Variants in ERG observed in about 807,000 individuals in gnomAD.
ERG encodes ETS transcription factor ERG.
A neutral mutation model predicts 55.3 loss-of-function variants in ERG; 9 were observed. The ratio of observed to expected loss-of-function variants is 0.16; its 90% confidence interval spans 0.10 to 0.28. The LOEUF (loss-of-function observed/expected upper bound fraction) is 0.28. Ranked by LOEUF, ERG falls within the 10% of genes least tolerant of loss-of-function variation. The pLI is 1.00. For missense variants in ERG, 434 were observed against 631.6 expected (o/e 0.69, Z 3.35); for synonymous variants, 223 against 237.3 (o/e 0.94, Z 0.55).
At chr21:38,492,923 A>G (rs1033513585) in intron 1 of ERG, among the ~76,000 whole-genome samples, 1 of 152,218 alleles carries the variant, frequency 6.6e-6, no homozygotes, top group Non-Finnish European at 1.5e-5. Context: ...AAGTACAAAT[A>G]AAAATGAGAT....
intron 2 of ERG, among the ~76,000 whole-genome samples, chr21:38,529,393 T>C (rs997452744): frequency 1.3e-5 from 2 of 152,176 alleles, no homozygotes; most frequent in African/African-American, 4.8e-5. Context: ...GGGATCTATT[T>C]TGAAGAGGGA....
chr21:38,453,882 CAAAAA>C (rs3065380), intron 1 of ERG, among the ~76,000 whole-genome samples: 3 of 129,848 alleles, frequency 2.3e-5, no homozygotes, highest in Non-Finnish European at 3.2e-5. Context: ...AAAACTCCAT[CAAAAA>C]AAAAAAAAAA....
chr21:38,655,932 T>A (rs2146992768), intron 1 of ERG, among the ~76,000 whole-genome samples: 1 of 152,284 alleles, frequency 6.6e-6, no homozygotes, highest in East Asian at 1.9e-4. Flanking sequence ...TACTGCAGAA[T>A]CTGCCTGCCT....
chr21:38,392,342 A>G, intron 7 of ERG, 34 bp downstream of exon 7: 1 of 1,534,522 alleles, frequency 6.5e-7, no homozygotes, highest in Non-Finnish European at 8.9e-7. Context: ...TGCCTGTGAC[A>G]TGAAACTCAG....
In ERG at chr21:38,383,287, G is replaced by GC; in HGVS notation, c.*115dup. 7.5e-7 allele frequency: 1 copy of GC among 1,333,852 alleles called. No homozygotes were observed. Among genetic ancestry groups the GC allele is most frequent in the African/African-American group, 1.5e-5 (1 of 68,316 alleles). The allele number at this position is 1,333,852 out of a possible 1,614,324, so 82.6% of individuals were successfully genotyped here. A position where few individuals can be genotyped will look rare whatever the true frequency, so the allele number is the denominator to read the frequency against. On this transcript the variant is annotated 3_prime_UTR_variant, in exon 10 of 10. Transcript: ENST00000288319. The surrounding 1 kb of genome is among the most constrained non-coding windows in gnomAD (Gnocchi z 5.7). ...ATCTCTTCCCCGGCTTCCTTCCCCA[G>GC]CCCCAGTAAAGCTTTTTTCATTCCT...
rs112968460 is a variant in ERG at position 38,495,526 on chromosome 21, T to C, written c.18+2837A>G. On this transcript the variant is annotated intron_variant, in intron 1 of 9. Transcript: ENST00000288319. ...CTTCAATGTCAGATCTCTGTGATGA[T>C]GGAAAATCCCCCACATTCCCTTTTT... Among the ~76,000 whole-genome samples, 890 of 152,342 alleles carry C rather than the reference T, an allele frequency of 5.8e-3. 9 individuals carry two copies. The highest frequency in any genetic ancestry group is 0.02 in the African/African-American group (825 of 41,590).
At chr21:38,506,078 T>C (rs908648706) in intron 2 of ERG, among the ~76,000 whole-genome samples, 2 of 152,132 alleles carry the variant, frequency 1.3e-5, no homozygotes, top group African/African-American at 4.8e-5. Context: ...AAATACACGT[T>C]TTAGGAGCAA....
intron 2 of ERG, among the ~76,000 whole-genome samples, chr21:38,556,219 C>T (rs1409478117): frequency 1.3e-5 from 2 of 152,078 alleles, no homozygotes; most frequent in Non-Finnish European, 2.9e-5. Context: ...ACTATGACCT[C>T]TTTTGGCAAA....
At chr21:38,631,664 G>A (rs544547804) in intron 1 of ERG, among the ~76,000 whole-genome samples, 6 of 152,058 alleles carry the variant, frequency 3.9e-5, no homozygotes, top group South Asian at 4.2e-4. Context: ...GTGCACACCT[G>A]ATTTCCGTAC....
In ERG at chr21:38,392,586, T is replaced by C; in HGVS notation, c.746-142A>G. 8.6e-6 allele frequency: 5 copies of C among 583,104 alleles called. No individual in the cohort carries two copies. The South Asian group carries it at 1.1e-4, about 13-fold the overall frequency. 36.1% of individuals were successfully genotyped at this position (583,104 alleles called of 1,614,324 possible). ...AATCCAAAGAAATATCCCACTAGAT[T>C]TGAGTTTTATTTACAAATTAAAATT... On this transcript the variant is annotated intron_variant, in intron 6 of 9. Transcript: ENST00000288319.
At chr21:38,561,455 CTT>C (rs770497839) in intron 2 of ERG, among the ~76,000 whole-genome samples, 39 of 135,678 alleles carry the variant, frequency 2.9e-4, no homozygotes, top group African/African-American at 8.3e-4. Context: ...CTACACAATC[CTT>C]TTTTTTTTTT....
At chr21:38,388,385 A>C (rs1040346737) in intron 9 of ERG, among the ~76,000 whole-genome samples, 30 of 152,250 alleles carry the variant, frequency 2.0e-4, no homozygotes, top group Admixed American at 2.0e-3. Context: ...GGATGCTGAC[A>C]TCATCCTGTG....
At chr21:38,644,974 C>G (rs1016030879) in intron 1 of ERG, among the ~76,000 whole-genome samples, 3 of 152,042 alleles carry the variant, frequency 2.0e-5, no homozygotes, top group African/African-American at 7.2e-5. Context: ...CTGGGCAACA[C>G]AGCGAGACCC....
intron 2 of ERG, among the ~76,000 whole-genome samples, chr21:38,548,022 A>G (rs940092589): frequency 6.6e-6 from 1 of 152,238 alleles, no homozygotes; most frequent in African/African-American, 2.4e-5. Context: ...ATTGTTCTAC[A>G]TTGGTAATAT....
rs545215048 is a variant in ERG at position 38,653,677 on chromosome 21, C to T, written c.-150+7981G>A. Reference sequence around the variant, plus strand: ...GCAGTCAGACAGACAGGTGGATAGGCGGGCTCCATAGCGGAATGTTCTGGC... The same window carrying T: ...GCAGTCAGACAGACAGGTGGATAGGTGGGCTCCATAGCGGAATGTTCTGGC... On this transcript the variant is annotated intron_variant, in intron 1 of 10. Transcript: ENST00000398910. 8.5e-5 allele frequency among the ~76,000 whole-genome samples: 13 copies of T among 152,250 alleles called. No individual in the cohort carries two copies. In the South Asian group the frequency reaches 2.1e-3, roughly 24 times the overall value.
downstream of ERG, among the ~76,000 whole-genome samples, chr21:38,375,083 C>T (rs1395274131): frequency 6.6e-6 from 1 of 152,098 alleles, no homozygotes; most frequent in African/African-American, 2.4e-5. Flanking sequence ...CTAAGCTGCC[C>T]TACTCCAATT....
intron 1 of ERG, chr21:38,472,182 TAGAAAGAAAGAA>T (rs776902766): frequency 6.6e-6 from 1 of 151,472 alleles, no homozygotes; most frequent in Admixed American, 6.6e-5. Context: ...AAAATCATTG[TAGAAAGAAAGAA>T]AGAAAGAATG....
chr21:38,443,671 A>G (rs1050602212), intron 2 of ERG, among the ~76,000 whole-genome samples: 1 of 151,984 alleles, frequency 6.6e-6, no homozygotes, highest in Non-Finnish European at 1.5e-5. Flanking sequence ...AAATATTTAC[A>G]TGTAATCATT....
intron 2 of ERG, among the ~76,000 whole-genome samples, chr21:38,539,960 G>A (rs1021907323): frequency 4.2e-5 from 6 of 144,282 alleles, no homozygotes; most frequent in Non-Finnish European, 7.5e-5. Context: ...ACAGTGGCAC[G>A]ATCTTGGCTC....
Sources: gnomAD v4.1 joint callset for allele counts (sites outside exome capture counted in the v4.1 genomes callset) on GRCh38, gnomAD v4.1.1 for gene constraint, Gnocchi (gnomAD v3.1) non-coding constraint, MANE v1.5 for transcripts, NCBI Gene and HGNC (gene_info 2026-07-23, HGNC 2026-07-21) for gene names.